SAMMSON: variants seen among roughly 807,000 people sequenced by gnomAD.
The protein encoded by SAMMSON is long intergenic non-protein coding RNA 1212.
chr3:70,024,435 T>C (rs2107581801), intron 3 of SAMMSON, among the ~76,000 whole-genome samples: 1 of 152,240 alleles, frequency 6.6e-6, no homozygotes, highest in Middle Eastern at 3.4e-3. Context: ...ATAATAAAAT[T>C]AGCTGATATT....
intron 4 of SAMMSON, among the ~76,000 whole-genome samples, chr3:70,160,963 A>G (rs557014923): frequency 6.6e-6 from 1 of 151,928 alleles, no homozygotes; most frequent in East Asian, 1.9e-4. Context: ...TCTCAATTTT[A>G]TTTTTGGATT....
chr3:70,063,861 A>G (rs1021859469), intron 3 of SAMMSON, among the ~76,000 whole-genome samples: 3 of 152,136 alleles, frequency 2.0e-5, no homozygotes, highest in Admixed American at 6.6e-5. Context: ...GGCTTAGCAC[A>G]GTGCCTGGCA....
intron 4 of SAMMSON, among the ~76,000 whole-genome samples, chr3:70,181,149 A>G (rs1701050627): frequency 6.6e-6 from 1 of 152,176 alleles, no homozygotes. Context: ...CTTCAGGACC[A>G]TCCTCCCAGC....
chr3:70,238,566 C>T (rs907310397), intron 4 of SAMMSON, among the ~76,000 whole-genome samples: 1 of 151,750 alleles, frequency 6.6e-6, no homozygotes, highest in African/African-American at 2.4e-5. Flanking sequence ...GAGCCATGAT[C>T]ACACCACTGT....
intron 4 of SAMMSON, chr3:70,140,490 T>C (rs1445604499): frequency 5.9e-6 from 1 of 170,328 alleles, no homozygotes; most frequent in Non-Finnish European, 1.3e-5. Flanking sequence ...TTGAAATAAA[T>C]GTGCAGACAT....
intron 7 of SAMMSON, among the ~76,000 whole-genome samples, chr3:70,323,157 T>C (rs564484607): frequency 1.3e-5 from 2 of 152,168 alleles, no homozygotes; most frequent in East Asian, 3.8e-4. Context: ...TCCTCTAAAA[T>C]GCACAGGACG....
rs1246903839 is a variant in SAMMSON, at chr3:70,320,248, G to T, written n.739+29005G>T. On this transcript the variant is annotated intron_variant and non_coding_transcript_variant, in intron 7 of 9. Coordinates refer to ENST00000642114, the Ensembl canonical transcript of SAMMSON. ...TGGGAGAAGAAGCAGTGGGAAAAGG[G>T]ATCATTGCAAAGGCTAGCAGAAAGT... Among the ~76,000 whole-genome samples the T allele has an allele frequency of 2.0e-5, 3 of 152,076 alleles. No individual in the cohort carries two copies. The East Asian group carries it at 5.8e-4, about 29-fold the overall frequency.
chr3:70,051,762 A>C (rs901208256), intron 3 of SAMMSON, among the ~76,000 whole-genome samples: 7 of 151,796 alleles, frequency 4.6e-5, no homozygotes, highest in Admixed American at 2.0e-4. Context: ...GAGTTCTGAC[A>C]TTTAATTTCT....
At chr3:70,300,340 A>G (rs1305455367) in intron 7 of SAMMSON, among the ~76,000 whole-genome samples, 1 of 152,060 alleles carries the variant, frequency 6.6e-6, no homozygotes, top group East Asian at 1.9e-4. Flanking sequence ...CTCTTACAAC[A>G]TTATACAGAC....
intron 7 of SAMMSON, among the ~76,000 whole-genome samples, chr3:70,341,075 G>A (rs1033494081): frequency 2.6e-5 from 4 of 152,082 alleles, no homozygotes; most frequent in African/African-American, 9.7e-5. Context: ...ACATATGTGA[G>A]TCATTGTCAT....
At chr3:70,371,297 G>C (rs534124817) in intron 9 of SAMMSON, among the ~76,000 whole-genome samples, 51 of 151,850 alleles carry the variant, frequency 3.4e-4, no homozygotes, top group Non-Finnish European at 5.4e-4. Context: ...GACTATTCCG[G>C]CTCTTTTTTG....
At chr3:70,194,527 T>C (rs1362669941) in intron 4 of SAMMSON, among the ~76,000 whole-genome samples, 1 of 152,184 alleles carries the variant, frequency 6.6e-6, no homozygotes, top group Non-Finnish European at 1.5e-5. Flanking sequence ...AGAAAAGAAA[T>C]TTCACACTTT....
chr3:70,045,734 A>C (rs951279211), intron 3 of SAMMSON, among the ~76,000 whole-genome samples: 31 of 152,218 alleles, frequency 2.0e-4, no homozygotes, highest in African/African-American at 6.3e-4. Context: ...TTGTTTGTGA[A>C]ATATTAAACC....
chr3:70,198,219 T>G (rs547548715), intron 4 of SAMMSON, among the ~76,000 whole-genome samples: 3 of 152,258 alleles, frequency 2.0e-5, no homozygotes, highest in African/African-American at 4.8e-5. Flanking sequence ...GAGAAAAAAT[T>G]TCTCCTCTAG....
intron 4 of SAMMSON, among the ~76,000 whole-genome samples, chr3:70,073,975 A>G (rs1055128880): frequency 6.6e-6 from 1 of 152,052 alleles, no homozygotes; most frequent in Non-Finnish European, 1.5e-5. Flanking sequence ...CCTTTCTAGC[A>G]GGTAGTGATC....
intron 9 of SAMMSON, among the ~76,000 whole-genome samples, chr3:70,366,492 G>GTTTTTTTTTTTTTTTTTTTTTTTTATTTT: frequency 9.9e-6 from 1 of 100,758 alleles, no homozygotes; most frequent in Non-Finnish European, 2.1e-5. Context: ...GTGTTTTTAT[G>GTTTTTTTTTTTTTTTTTTTTTTTTATTTT]TTTTTTTTTT....
At position 70,309,098 on chromosome 3, in the gene SAMMSON, G is replaced by A. The variant is rs114244732; in HGVS notation, n.739+17855G>A. ...GGGGGAGTGAGGGAGGTTGGAGGTC[G>A]ACACATTTAAAATTCTGATTGATAA... On this transcript the variant is annotated intron_variant and non_coding_transcript_variant, in intron 7 of 9. Transcript: ENST00000642114. Among the ~76,000 whole-genome samples the A allele has an allele frequency of 1.5e-3, 227 of 152,160 alleles. 1 individual carries two copies. Among genetic ancestry groups the A allele is most frequent in the African/African-American group, 5.2e-3 (214 of 41,508 alleles).
At chr3:70,301,440 T>C (rs562659507) in intron 7 of SAMMSON, among the ~76,000 whole-genome samples, 2 of 152,212 alleles carry the variant, frequency 1.3e-5, no homozygotes. Context: ...ACAGGATGTG[T>C]TGCTGATATT....
intron 4 of SAMMSON, among the ~76,000 whole-genome samples, chr3:70,236,389 T>A (rs1449614426): frequency 6.6e-6 from 1 of 152,196 alleles, no homozygotes; most frequent in Non-Finnish European, 1.5e-5. Context: ...TTATTATACA[T>A]TTATATTTGG....
Sources: allele counts gnomAD v4.1 joint callset (sites outside exome capture counted in the v4.1 genomes callset), GRCh38; gene constraint gnomAD v4.1.1; transcripts MANE v1.5; gene names NCBI Gene and HGNC (gene_info 2026-07-23, HGNC 2026-07-21).